Variants in NEK11 observed in about 807,000 individuals in gnomAD.
The protein encoded by NEK11 is serine/threonine-protein kinase Nek11.
A neutral mutation model predicts 80.7 loss-of-function variants in NEK11; 72 were observed. The observed-to-expected ratio is 0.89, with a 90% CI of 0.74 to 1.08. The LOEUF (loss-of-function observed/expected upper bound fraction) is 1.08, where lower values mean the gene tolerates loss of function less well. Ranked by LOEUF, NEK11 falls within the 50% of genes least tolerant of loss-of-function variation. The pLI is 0.00. For missense variants in NEK11, 764 were observed against 763.6 expected, an observed-to-expected ratio of 1.00 and a Z score of -0.01; for synonymous variants, 251 against 260.7, an observed-to-expected ratio of 0.96 and a Z score of 0.36.
At chr3:131,065,742 AT>A (rs2071804992) in intron 3 of NEK11, among the ~76,000 whole-genome samples, 1 of 152,082 alleles carries the variant, frequency 6.6e-6, no homozygotes, top group African/African-American at 2.4e-5. Context: ...AGTTTGCAAA[AT>A]TTAGTCTTGG....
intron 3 of NEK11, among the ~76,000 whole-genome samples, chr3:131,067,409 C>T (rs1300727055): frequency 1.3e-5 from 2 of 152,146 alleles, no homozygotes; most frequent in Non-Finnish European, 1.5e-5. Flanking sequence ...TTCAATAGAA[C>T]CACTGATGTT....
intron 14 of NEK11, among the ~76,000 whole-genome samples, chr3:131,173,447 G>T (rs984969851): frequency 6.6e-6 from 1 of 151,966 alleles, no homozygotes; most frequent in Admixed American, 6.6e-5. Flanking sequence ...CAAAAAGTCT[G>T]AGCTTCTTCC....
rs533377227 is a variant in NEK11, at chr3:131,348,132, A to G, written c.1719-1425A>G. Reference sequence around the variant, plus strand: ...AAAAGTGCAGAAACCATAAGTACACATATAAATTTTTAGAGTGAACACACA... The same window carrying G: ...AAAAGTGCAGAAACCATAAGTACACGTATAAATTTTTAGAGTGAACACACA... On this transcript the variant is annotated intron_variant, in intron 17 of 17. Coordinates refer to ENST00000383366, the MANE Select transcript of NEK11 (RefSeq NM_024800.5). Among the ~76,000 whole-genome samples, 21 of 152,290 alleles carry G rather than the reference A, an allele frequency of 1.4e-4. No homozygotes were observed. The East Asian group carries it at 3.9e-3, about 28-fold the overall frequency.
chr3:131,329,931 T>C (rs1036701264), intron 17 of NEK11: 3 of 152,202 alleles, frequency 2.0e-5, no homozygotes, highest in South Asian at 2.1e-4. Context: ...AAGAGTCCAA[T>C]AGAGTTTTGA....
intron 4 of NEK11, among the ~76,000 whole-genome samples, chr3:131,096,186 C>A (rs954182085): frequency 1.3e-5 from 2 of 151,826 alleles, no homozygotes; most frequent in African/African-American, 4.8e-5. Context: ...CCCCTTCCTC[C>A]CTCCCCTATC....
chr3:131,159,075 C>T (rs2091168651), intron 10 of NEK11, among the ~76,000 whole-genome samples: 1 of 152,160 alleles, frequency 6.6e-6, no homozygotes, highest in Non-Finnish European at 1.5e-5. Flanking sequence ...CTACTGAATC[C>T]ACCTTATAAC....
chr3:131,143,258 C>T (rs2087367267), intron 7 of NEK11, among the ~76,000 whole-genome samples: 1 of 152,044 alleles, frequency 6.6e-6, no homozygotes, highest in Non-Finnish European at 1.5e-5. Context: ...GGGCAGAACC[C>T]CTGCTGGGTT....
chr3:131,323,697 A>G (rs536782452), intron 17 of NEK11, among the ~76,000 whole-genome samples: 3 of 152,350 alleles, frequency 2.0e-5, no homozygotes, highest in South Asian at 2.1e-4. Flanking sequence ...AAATGTAACT[A>G]TGCCTCTGGA....
In NEK11 at chr3:131,120,792, C is replaced by T. The variant is rs138094221; in HGVS notation, c.455+10871C>T. ...AGTCAGCTACTGAAGCTTGTGCATG[C>T]GTCACATAGTTCTCGTGCCATGGTT... On this transcript the variant is annotated intron_variant, in intron 5 of 17. Coordinates refer to ENST00000383366, the MANE Select transcript of NEK11 (RefSeq NM_024800.5). Among the ~76,000 whole-genome samples, 559 of 152,276 alleles carry T rather than the reference C, an allele frequency of 3.7e-3. 3 individuals are homozygous for T. The highest frequency in any genetic ancestry group is 0.012 in the African/African-American group (514 of 41,546).
chr3:131,068,807 A>G (rs759751416), intron 3 of NEK11, among the ~76,000 whole-genome samples: 3 of 152,218 alleles, frequency 2.0e-5, no homozygotes, highest in Non-Finnish European at 2.9e-5. Flanking sequence ...GTGCACAAAA[A>G]TAGACTTTTA....
chr3:131,348,286 G>A (rs1467120028), intron 17 of NEK11, among the ~76,000 whole-genome samples: 3 of 152,118 alleles, frequency 2.0e-5, no homozygotes, highest in Non-Finnish European at 4.4e-5. Context: ...CTCATTGTTT[G>A]GTGAAGGGAA....
chr3:131,264,164 G>T (rs990519479), intron 16 of NEK11, among the ~76,000 whole-genome samples: 9 of 152,110 alleles, frequency 5.9e-5, no homozygotes, highest in Non-Finnish European at 1.2e-4. Flanking sequence ...TCTGTAGGTT[G>T]CCTGTTCACT....
intron 3 of NEK11, among the ~76,000 whole-genome samples, chr3:131,076,878 A>G (rs1447294805): frequency 6.6e-6 from 1 of 152,166 alleles, no homozygotes; most frequent in Non-Finnish European, 1.5e-5. Context: ...TTTGACTCAT[A>G]TTTCTGTAGT....
chr3:131,267,342 A>G (rs1561284608), intron 16 of NEK11, among the ~76,000 whole-genome samples: 1 of 152,122 alleles, frequency 6.6e-6, no homozygotes, highest in African/African-American at 2.4e-5. Context: ...GTTCCTTTCC[A>G]TGTTTAGTGC....
intron 16 of NEK11, among the ~76,000 whole-genome samples, chr3:131,246,213 T>G (rs2095600645): frequency 6.6e-6 from 1 of 152,000 alleles, no homozygotes; most frequent in Non-Finnish European, 1.5e-5. Flanking sequence ...ACCCTAGCAG[T>G]GAACACTGTA....
chr3:131,316,767 G>C (rs2096844371), intron 17 of NEK11, among the ~76,000 whole-genome samples: 1 of 152,158 alleles, frequency 6.6e-6, no homozygotes, highest in Non-Finnish European at 1.5e-5. Context: ...CAGAGAGGAA[G>C]AAAATATTCC....
rs75580792 is a variant in NEK11, at chr3:131,169,047, G to C, written c.1284+110G>C. On this transcript the variant is annotated intron_variant, in intron 13 of 17. Transcript: ENST00000383366. ...GAACACTTTGCAGAGGAGCCTGAAG[G>C]GTTTTAAATGTAGCAGGAAAAAGCT... is the stretch of plus-strand genomic sequence containing the variant. 75 of 659,120 alleles carry C rather than the reference G, an allele frequency of 1.1e-4. 1 individual carries two copies. The South Asian group carries it at 1.7e-3, about 15-fold the overall frequency. 40.8% of individuals were successfully genotyped at this position (659,120 alleles called of 1,614,324 possible).
At chr3:131,233,696 G>A (rs2095377852) in intron 15 of NEK11, among the ~76,000 whole-genome samples, 1 of 152,164 alleles carries the variant, frequency 6.6e-6, no homozygotes, top group Non-Finnish European at 1.5e-5. Flanking sequence ...CTCTCAGACT[G>A]TAAGCCTCTT....
At chr3:131,267,859 A>T (rs1382404456) in intron 16 of NEK11, among the ~76,000 whole-genome samples, 1 of 152,164 alleles carries the variant, frequency 6.6e-6, no homozygotes, top group Admixed American at 6.5e-5. Context: ...TAATATCCTG[A>T]AATGTGTTTT....
Sources: allele counts gnomAD v4.1 joint callset (sites outside exome capture counted in the v4.1 genomes callset), GRCh38; gene constraint gnomAD v4.1.1; transcripts MANE v1.5; gene names NCBI Gene and HGNC (gene_info 2026-07-23, HGNC 2026-07-21).